LDAH: variants seen among roughly 807,000 people sequenced by gnomAD.
The protein encoded by LDAH is lipid droplet associated hydrolase.
LDAH carries 26 observed loss-of-function variants against 29.6 expected under a neutral mutation model. That is an observed-to-expected ratio of 0.88 (90% CI 0.64 to 1.22). The LOEUF (loss-of-function observed/expected upper bound fraction) is 1.22, where lower values mean the gene tolerates loss of function less well. LDAH is among the 50% of genes most tolerant of loss of function. LDAH has a pLI of 0.00. For synonymous variants in LDAH, 117 were observed against 133.0 expected (o/e 0.88, Z 0.83); for missense variants, 344 against 387.3 (o/e 0.89, Z 0.94).
intron 1 of LDAH, among the ~76,000 whole-genome samples, chr2:20,808,864 G>A (rs1033302817): frequency 3.9e-5 from 6 of 152,096 alleles, no homozygotes; most frequent in Non-Finnish European, 8.8e-5. Flanking sequence ...AGAGGAGTAA[G>A]GAAAACAAGG....
intron 5 of LDAH, among the ~76,000 whole-genome samples, chr2:20,726,242 A>G (rs1236749422): frequency 6.6e-6 from 1 of 152,228 alleles, no homozygotes; most frequent in Non-Finnish European, 1.5e-5. Context: ...GAGGCAGGGT[A>G]GGAGCTGACT....
intron 4 of LDAH, among the ~76,000 whole-genome samples, chr2:20,765,092 C>A (rs532151734): frequency 1.3e-5 from 2 of 152,224 alleles, no homozygotes; most frequent in South Asian, 4.2e-4. Context: ...ACCACTTTTG[C>A]AAAGACATAA....
chr2:20,748,566 C>G (rs682976), intron 4 of LDAH, among the ~76,000 whole-genome samples: 101,453 of 152,112 alleles, frequency 0.67, 34,480 homozygotes, highest in East Asian at 0.87. Context: ...GAATCACTGA[C>G]AGCTCATTCA....
At chr2:20,785,277 GTCTT>G (rs1171018486) in intron 3 of LDAH, among the ~76,000 whole-genome samples, 5 of 152,032 alleles carry the variant, frequency 3.3e-5, no homozygotes, top group Non-Finnish European at 7.4e-5. Context: ...GTCTGAAAAA[GTCTT>G]TCTTTCTCCT....
chr2:20,687,306 A>G (rs1038435428), intron 6 of LDAH, among the ~76,000 whole-genome samples: 6 of 152,188 alleles, frequency 3.9e-5, no homozygotes, highest in African/African-American at 7.2e-5. Context: ...GAAGATCCCC[A>G]TGCTGGGAGA....
intron 4 of LDAH, among the ~76,000 whole-genome samples, chr2:20,759,522 C>T (rs1277361995): frequency 3.3e-5 from 5 of 152,094 alleles, no homozygotes; most frequent in African/African-American, 1.2e-4. Context: ...CACAGATTTT[C>T]CATACAAGCT....
intron 5 of LDAH, among the ~76,000 whole-genome samples, chr2:20,706,978 G>A (rs548074611): frequency 1.2e-4 from 19 of 152,056 alleles, no homozygotes; most frequent in African/African-American, 1.9e-4. Flanking sequence ...CTTGCTTGTC[G>A]GGGAGAGGCT....
chr2:20,760,982 T>C (rs1423216618), intron 4 of LDAH, among the ~76,000 whole-genome samples: 1 of 152,244 alleles, frequency 6.6e-6, no homozygotes, highest in Non-Finnish European at 1.5e-5. Flanking sequence ...TACAGCAGTA[T>C]TTTGTACAAA....
At chr2:20,800,511 C>T (rs571325545) in intron 2 of LDAH, among the ~76,000 whole-genome samples, 2 of 152,190 alleles carry the variant, frequency 1.3e-5, no homozygotes, top group Non-Finnish European at 2.9e-5. Context: ...ATTTTGAATA[C>T]CTGCAATCGC....
chr2:20,740,078 T>C lies in LDAH; in HGVS notation c.596A>G (p.Lys199Arg). Residue 199 changes from lysine (K) to arginine (R), a missense_variant, in exon 5 of 7, where the codon AAA (lysine) becomes AGA (arginine). By Grantham distance (26) the Lys-to-Arg change is conservative. Coordinates refer to ENST00000237822, the MANE Select transcript of LDAH (RefSeq NM_021925.4). ...GGACTTGATTGTCTCAGGACACGGT[T>C]TCAATAATAAGTAGCCAGTAACATA... ...VLYVTGYLLL[K>R]PCPETIKSLL... 1 of 1,614,118 alleles carries C rather than the reference T, an allele frequency of 6.2e-7. No individual in the cohort carries two copies. The highest frequency in any genetic ancestry group is 8.5e-7 in the Non-Finnish European group (1 of 1,179,982).
chr2:20,799,226 TAAAC>T (rs902000092), intron 2 of LDAH, among the ~76,000 whole-genome samples: 8 of 152,260 alleles, frequency 5.3e-5, no homozygotes, highest in Non-Finnish European at 5.9e-5. Flanking sequence ...AGACTCTGTC[TAAAC>T]AAACAAACAA....
intron 4 of LDAH, 49 bp downstream of exon 4, chr2:20,774,761 T>C (rs774950035): frequency 6.4e-7 from 1 of 1,569,696 alleles, no homozygotes; most frequent in Non-Finnish European, 8.7e-7. Flanking sequence ...GGAGGATTTG[T>C]GCAGGCACAC....
intron 5 of LDAH, among the ~76,000 whole-genome samples, chr2:20,723,394 A>C (rs1003572253): frequency 6.6e-6 from 1 of 152,092 alleles, no homozygotes. Flanking sequence ...AGTTAATAGA[A>C]GTTTGTTTTG....
intron 1 of LDAH, among the ~76,000 whole-genome samples, chr2:20,820,892 C>T (rs1673228764): frequency 7.1e-6 from 1 of 141,836 alleles, no homozygotes; most frequent in East Asian, 2.0e-4. Flanking sequence ...TATCCAGAAT[C>T]TACAAAGAAC....
chr2:20,738,402 C>G (rs1666953350), intron 5 of LDAH, among the ~76,000 whole-genome samples: 1 of 149,042 alleles, frequency 6.7e-6, no homozygotes, highest in African/African-American at 2.6e-5. Flanking sequence ...GTGGGTGCAT[C>G]CCTCCTCTTA....
intron 2 of LDAH, among the ~76,000 whole-genome samples, chr2:20,795,073 A>G (rs576286377): frequency 1.3e-5 from 2 of 152,336 alleles, no homozygotes; most frequent in South Asian, 4.1e-4. Context: ...GGATGTTGGA[A>G]AACATTCCAA....
At chr2:20,808,657 CAAAA>C (rs57055848) in intron 1 of LDAH, among the ~76,000 whole-genome samples, 2 of 78,718 alleles carry the variant, frequency 2.5e-5, no homozygotes, top group African/African-American at 3.4e-5. Context: ...GACTCCGTCT[CAAAA>C]AAAAAAAAAA....
intron 5 of LDAH, among the ~76,000 whole-genome samples, chr2:20,735,558 TTGTCAGATAATTCTAATATCTC>T (rs1666716414): frequency 6.6e-6 from 1 of 152,236 alleles, no homozygotes; most frequent in African/African-American, 2.4e-5. Context: ...TTTAAAGTTA[TTGTCAGATAATTCTAATATCTC>T]TGTCATTTTG....
intron 5 of LDAH, among the ~76,000 whole-genome samples, chr2:20,710,509 A>T (rs1664635617): frequency 6.6e-6 from 1 of 151,126 alleles, no homozygotes; most frequent in Non-Finnish European, 1.5e-5. Flanking sequence ...CAATTAAGGA[A>T]GAAATATTGA....
Sources: gnomAD v4.1 joint callset for allele counts (sites outside exome capture counted in the v4.1 genomes callset) on GRCh38, gnomAD v4.1.1 for gene constraint, MANE v1.5 for transcripts, NCBI Gene and HGNC (gene_info 2026-07-23, HGNC 2026-07-21) for gene names.